The following CTNNA3 variants were observed in gnomAD, a reference collection of about 807,000 sequenced individuals.
CTNNA3 encodes the protein catenin alpha 3.
In CTNNA3, 76 loss-of-function variants were observed where a neutral mutation model predicts 95.7. That is an observed-to-expected ratio of 0.79 (90% CI 0.66 to 0.96). The LOEUF (loss-of-function observed/expected upper bound fraction) is 0.96, where lower values mean the gene tolerates loss of function less well. Among genes scored for constraint, CTNNA3 ranks in the 40% least tolerant of loss-of-function variants. CTNNA3 has a pLI of 0.00. For synonymous variants in CTNNA3, 431 were observed against 374.4 expected (o/e 1.15, Z -1.74); for missense variants, 1,191 against 1,089.8 (o/e 1.09, Z -1.31).
intron 12 of CTNNA3, among the ~76,000 whole-genome samples, chr10:66,378,455 T>G (rs559703615): frequency 6.6e-6 from 1 of 152,324 alleles, no homozygotes; most frequent in Non-Finnish European, 1.5e-5. Flanking sequence ...TCTGCTATCA[T>G]GACTTATAAA....
intron 9 of CTNNA3, among the ~76,000 whole-genome samples, chr10:66,698,337 T>A (rs748239625): frequency 1.3e-5 from 2 of 152,214 alleles, no homozygotes; most frequent in Non-Finnish European, 2.9e-5. Flanking sequence ...GACATTCCAC[T>A]TCTGATGAGA....
At chr10:65,927,484 C>T (rs1445312660) in intron 17 of CTNNA3, among the ~76,000 whole-genome samples, 1 of 152,106 alleles carries the variant, frequency 6.6e-6, no homozygotes, top group Non-Finnish European at 1.5e-5. Context: ...ATCAGGCATC[C>T]ACAGATCTGC....
intron 5 of CTNNA3, among the ~76,000 whole-genome samples, chr10:67,341,420 C>A (rs1017663172): frequency 6.6e-6 from 1 of 152,074 alleles, no homozygotes; most frequent in Non-Finnish European, 1.5e-5. Flanking sequence ...ATTTTTAGAT[C>A]CCACAAATAA....
chr10:66,336,024 C>T (rs993547281), intron 12 of CTNNA3, among the ~76,000 whole-genome samples: 35 of 152,120 alleles, frequency 2.3e-4, no homozygotes, highest in African/African-American at 8.2e-4. Context: ...GTAGGACCCT[C>T]CAAGACAGGT....
chr10:67,555,051 G>T (rs191924791), intron 3 of CTNNA3, among the ~76,000 whole-genome samples: 2 of 152,254 alleles, frequency 1.3e-5, no homozygotes, highest in Admixed American at 1.3e-4. Context: ...GTTTGTCAAA[G>T]ATCAGAATAT....
At chr10:67,224,330 A>G (rs1864792638) in intron 5 of CTNNA3, among the ~76,000 whole-genome samples, 1 of 152,208 alleles carries the variant, frequency 6.6e-6, no homozygotes, top group African/African-American at 2.4e-5. Flanking sequence ...ATATAAATAC[A>G]ATCATACAAT....
chr10:67,329,894 G>A (rs1841711834), intron 5 of CTNNA3, among the ~76,000 whole-genome samples: 1 of 152,122 alleles, frequency 6.6e-6, no homozygotes, highest in African/African-American at 2.4e-5. Flanking sequence ...AAATACCTAG[G>A]AACCCAGGCG....
intron 11 of CTNNA3, among the ~76,000 whole-genome samples, chr10:66,444,882 T>C (rs1393782357): frequency 2.6e-5 from 4 of 152,098 alleles, no homozygotes; most frequent in African/African-American, 7.2e-5. Context: ...GACTGGCAAA[T>C]TGGATAAAGA....
chr10:66,357,700 T>G (rs2092621788), intron 12 of CTNNA3, among the ~76,000 whole-genome samples: 1 of 152,178 alleles, frequency 6.6e-6, no homozygotes, highest in South Asian at 2.1e-4. Flanking sequence ...TATTATATAG[T>G]ATGTATCAGT....
chr10:66,732,427 A>G (rs770073814), intron 9 of CTNNA3, among the ~76,000 whole-genome samples: 6 of 152,186 alleles, frequency 3.9e-5, no homozygotes, highest in Admixed American at 1.3e-4. Flanking sequence ...CACACTGGTA[A>G]TAACGACATT....
intron 15 of CTNNA3, among the ~76,000 whole-genome samples, chr10:66,043,630 G>A (rs998476555): frequency 2.6e-5 from 4 of 152,294 alleles, no homozygotes; most frequent in East Asian, 1.9e-4. Flanking sequence ...ATGGGCAAAT[G>A]TCCTGAATGC....
intron 11 of CTNNA3, among the ~76,000 whole-genome samples, chr10:66,428,016 T>C (rs942893012): frequency 2.0e-5 from 3 of 152,026 alleles, no homozygotes; most frequent in Admixed American, 1.3e-4. Context: ...CCATCTCACG[T>C]GCAGAGACAC....
chr10:67,246,178 A>T (rs1381265021), intron 5 of CTNNA3, among the ~76,000 whole-genome samples: 1 of 152,202 alleles, frequency 6.6e-6, no homozygotes, highest in Non-Finnish European at 1.5e-5. Flanking sequence ...GCCTTACTCA[A>T]GAACTGTACG....
chr10:66,776,119 A>G (rs1320935175), intron 7 of CTNNA3, among the ~76,000 whole-genome samples: 3 of 152,204 alleles, frequency 2.0e-5, no homozygotes, highest in African/African-American at 7.2e-5. Context: ...CTTTGAGCAG[A>G]ACAGCTCTCT....
intron 1 of CTNNA3, among the ~76,000 whole-genome samples, chr10:67,755,745 T>C (rs985312216): frequency 7.5e-6 from 1 of 132,938 alleles, no homozygotes; most frequent in African/African-American, 2.9e-5. Context: ...GAGGTTGAAA[T>C]GAGCCGAGAT....
At chr10:66,507,158 T>G (rs1392131841) in intron 11 of CTNNA3, among the ~76,000 whole-genome samples, 1 of 152,176 alleles carries the variant, frequency 6.6e-6, no homozygotes, top group African/African-American at 2.4e-5. Context: ...CTCACTATGA[T>G]GTCATGGACA....
At chr10:66,428,015 G>A (rs11812640) in intron 11 of CTNNA3, among the ~76,000 whole-genome samples, 40,212 of 151,830 alleles carry the variant, frequency 0.26, 5,488 homozygotes, top group South Asian at 0.39. Flanking sequence ...CCCATCTCAC[G>A]TGCAGAGACA....
chr10:67,354,723 T>C (rs1842752529), intron 5 of CTNNA3, among the ~76,000 whole-genome samples: 1 of 152,028 alleles, frequency 6.6e-6, no homozygotes. Flanking sequence ...AAAAGTAGGC[T>C]TGGAAAAGTA....
intron 7 of CTNNA3, among the ~76,000 whole-genome samples, chr10:66,847,437 A>G (rs990532852): frequency 1.3e-5 from 2 of 152,156 alleles, no homozygotes; most frequent in African/African-American, 4.8e-5. Context: ...ATGACCATCT[A>G]CTATCTTGAG....
Sources: gnomAD v4.1 joint callset for allele counts (sites outside exome capture counted in the v4.1 genomes callset) on GRCh38, gnomAD v4.1.1 for gene constraint, MANE v1.5 for transcripts, NCBI Gene and HGNC (gene_info 2026-07-23, HGNC 2026-07-21) for gene names.